STAG1: variants seen among roughly 807,000 people sequenced by gnomAD.
The protein encoded by STAG1 is cohesin subunit SA-1.
Under a neutral mutation model 170.9 loss-of-function variants are expected in STAG1, and 26 were observed. The ratio of observed to expected loss-of-function variants is 0.15; its 90% CI spans 0.11 to 0.21. The LOEUF (loss-of-function observed/expected upper bound fraction) is 0.21, where lower values mean the gene tolerates loss of function less well. STAG1 is among the 10% of genes least tolerant of loss of function. STAG1 has a pLI of 1.00. For missense variants in STAG1, 964 were observed against 1,509.5 expected, an observed-to-expected ratio of 0.64 and a Z score of 5.99; for synonymous variants, 514 against 497.7, an observed-to-expected ratio of 1.03 and a Z score of -0.44.
chr3:136,591,822 A>G lies in STAG1; in HGVS notation c.297+12487T>C, dbSNP rs148114751. Among the ~76,000 whole-genome samples, 149 of 152,298 alleles carry G rather than the reference A, an allele frequency of 9.8e-4. 1 individual carries two copies. The highest frequency in any genetic ancestry group is 3.5e-3 in the African/African-American group (146 of 41,572). On this transcript the variant is annotated intron_variant, in intron 4 of 33. Coordinates refer to ENST00000383202, the MANE Select transcript of STAG1 (RefSeq NM_005862.3). Reference sequence around the variant, plus strand: ...TTAAACCTTTAAAAGGTATCCCATCACTTTGAAATGGCCCTAGGGTATCAT... The same window carrying G: ...TTAAACCTTTAAAAGGTATCCCATCGCTTTGAAATGGCCCTAGGGTATCAT...
At chr3:136,529,289 T>C (rs951397848) in intron 6 of STAG1, among the ~76,000 whole-genome samples, 1 of 152,188 alleles carries the variant, frequency 6.6e-6, no homozygotes, top group Non-Finnish European at 1.5e-5. Context: ...TACAGACATT[T>C]AGATACAAGA....
chr3:136,570,003 G>C (rs940103686), intron 4 of STAG1, among the ~76,000 whole-genome samples: 1 of 152,134 alleles, frequency 6.6e-6, no homozygotes, highest in African/African-American at 2.4e-5. Flanking sequence ...TTCTTGGGCA[G>C]AGGTAGGGAT....
At chr3:136,421,346 G>T (rs1046612200) in intron 19 of STAG1, among the ~76,000 whole-genome samples, 183 bp from the exon 20 acceptor site, 6 of 152,060 alleles carry the variant, frequency 3.9e-5, no homozygotes, top group African/African-American at 1.4e-4. Flanking sequence ...AATAATTTCT[G>T]CATTTTAAAT....
chr3:136,506,755 A>C (rs566071608), intron 7 of STAG1, among the ~76,000 whole-genome samples: 2 of 152,266 alleles, frequency 1.3e-5, no homozygotes, highest in South Asian at 4.1e-4. Flanking sequence ...GATAATTAGA[A>C]ATATTTTTGT....
chr3:136,656,258 G>T (rs569295021), intron 1 of STAG1, among the ~76,000 whole-genome samples: 1 of 152,046 alleles, frequency 6.6e-6, no homozygotes, highest in South Asian at 2.1e-4. Context: ...AATGGTAGTT[G>T]CCTGAAGCTG....
intron 16 of STAG1, among the ~76,000 whole-genome samples, chr3:136,425,713 TATATATGTATATATATAAAC>T (rs2107734871): frequency 6.7e-6 from 1 of 149,540 alleles, no homozygotes; most frequent in Non-Finnish European, 1.5e-5. Context: ...TGTATGTTTA[TATATATGTATATATATAAAC>T]ATATATACAT....
At chr3:136,586,383 C>T (rs1042260344) in intron 4 of STAG1, among the ~76,000 whole-genome samples, 1 of 151,964 alleles carries the variant, frequency 6.6e-6, no homozygotes, top group African/African-American at 2.4e-5. Context: ...AAATGATTTA[C>T]GGGAAATCAT....
At chr3:136,691,069 G>C (rs938654470) in intron 1 of STAG1, among the ~76,000 whole-genome samples, 1 of 151,928 alleles carries the variant, frequency 6.6e-6, no homozygotes, top group African/African-American at 2.4e-5. Context: ...AAGCCAAGGC[G>C]GGTGGAACAC....
intron 7 of STAG1, among the ~76,000 whole-genome samples, chr3:136,511,882 A>G (rs1452052989): frequency 6.6e-6 from 1 of 152,132 alleles, no homozygotes; most frequent in African/African-American, 2.4e-5. Context: ...ATATATTAAT[A>G]TGGACAGCAG....
intron 7 of STAG1, among the ~76,000 whole-genome samples, chr3:136,508,984 C>T (rs879561255): frequency 4.2e-4 from 64 of 152,102 alleles, no homozygotes; most frequent in Non-Finnish European, 1.6e-4. Context: ...ACAAAGGGTT[C>T]CTAAAAGATG....
At chr3:136,596,256 T>G (rs1938424284) in intron 4 of STAG1, among the ~76,000 whole-genome samples, 1 of 152,236 alleles carries the variant, frequency 6.6e-6, no homozygotes, top group East Asian at 1.9e-4. Flanking sequence ...AGAAACTTCA[T>G]TGTTGTCTTG....
chr3:136,597,225 A>G (rs1938468095), intron 4 of STAG1, among the ~76,000 whole-genome samples: 2 of 152,316 alleles, frequency 1.3e-5, no homozygotes, highest in East Asian at 1.9e-4. Context: ...ATAAACATGT[A>G]AAAAAACTGT....
intron 1 of STAG1, among the ~76,000 whole-genome samples, chr3:136,743,247 A>T (rs763893702): frequency 1.3e-5 from 2 of 152,150 alleles, no homozygotes; most frequent in Non-Finnish European, 2.9e-5. Flanking sequence ...GGGCACCTGT[A>T]ATCCCAGCTA....
chr3:136,395,780 C>A (rs949541447), intron 22 of STAG1, among the ~76,000 whole-genome samples: 1 of 152,128 alleles, frequency 6.6e-6, no homozygotes, highest in Admixed American at 6.6e-5. Flanking sequence ...AAAATGACGT[C>A]TGTGGGAAAA....
At chr3:136,694,028 T>C (rs772510651) in intron 1 of STAG1, among the ~76,000 whole-genome samples, 3 of 152,156 alleles carry the variant, frequency 2.0e-5, no homozygotes, top group Non-Finnish European at 4.4e-5. Flanking sequence ...CCAATTCTAG[T>C]AGAGTCAACA....
At chr3:136,596,596 C>T (rs1298265992) in intron 4 of STAG1, among the ~76,000 whole-genome samples, 2 of 152,098 alleles carry the variant, frequency 1.3e-5, no homozygotes, top group Non-Finnish European at 2.9e-5. Context: ...CCTATCTTTT[C>T]AGAAAGTAAT....
At position 136,433,619 on chromosome 3, in the gene STAG1, C is replaced by T. The variant is rs1223369087; in HGVS notation, c.1587G>A (p.Met529Ile). ...CAGCAGCTTGACGAATTGTACAAAC[C>T]ATTAGCTCTATAAGAGCACTCTCTT... Reference protein sequence around the residue: ...DRQESALIELMVCTIRQAAEA... With the variant: ...DRQESALIELIVCTIRQAAEA... Residue 529 changes from methionine (M) to isoleucine (I), a missense_variant, in exon 16 of 34, where the codon ATG (methionine) becomes ATA (isoleucine). Around this residue, in one of 11 missense-constraint regions of STAG1, gnomAD observed 162 missense variants for 211.2 expected, o/e 0.77. Transcript: ENST00000383202. The T allele has an allele frequency of 1.9e-5, 30 of 1,607,284 alleles. No homozygotes were observed. The highest frequency in any genetic ancestry group is 2.5e-5 in the Non-Finnish European group (29 of 1,177,614).
At chr3:136,356,045 G>A (rs945946650) in intron 28 of STAG1, among the ~76,000 whole-genome samples, 7 of 150,014 alleles carry the variant, frequency 4.7e-5, no homozygotes, top group Non-Finnish European at 7.4e-5. Context: ...TGAAACTCTC[G>A]TTTGTCTGCC....
At chr3:136,420,726 C>A (rs1019832397) in intron 20 of STAG1, among the ~76,000 whole-genome samples, 3 of 152,216 alleles carry the variant, frequency 2.0e-5, no homozygotes, top group African/African-American at 7.2e-5. Flanking sequence ...CTTCCTCAAC[C>A]TCCCAAGTGG....
Sources: allele counts gnomAD v4.1 joint callset (sites outside exome capture counted in the v4.1 genomes callset), GRCh38; gene constraint gnomAD v4.1.1; regional missense constraint gnomAD v4.1.1; transcripts MANE v1.5; gene names NCBI Gene and HGNC (gene_info 2026-07-23, HGNC 2026-07-21).